THRB: variants seen among roughly 807,000 people sequenced by gnomAD.
The protein encoded by THRB is nuclear receptor subfamily 1 group A member 2.
In THRB, 12 loss-of-function variants were observed where a neutral mutation model predicts 47.8. That is an observed-to-expected ratio of 0.25 (90% CI 0.16 to 0.41). The LOEUF is 0.41. Among genes scored for constraint, THRB ranks in the 10% least tolerant of loss-of-function variants. The pLI, the probability that THRB is intolerant of heterozygous loss-of-function variation, is 1.00. For missense variants in THRB, 348 were observed against 589.2 expected (o/e 0.59, Z 4.24); for synonymous variants, 218 against 212.2 (o/e 1.03, Z -0.24).
intron 1 of THRB, among the ~76,000 whole-genome samples, chr3:24,491,663 C>T (rs889351512): frequency 4.6e-5 from 7 of 152,162 alleles, no homozygotes; most frequent in Non-Finnish European, 7.3e-5. Context: ...CAAATTGTAC[C>T]ACCATGCACT....
At chr3:24,277,455 A>G (rs2054044426) in intron 3 of THRB, among the ~76,000 whole-genome samples, 1 of 152,136 alleles carries the variant, frequency 6.6e-6, no homozygotes, top group African/African-American at 2.4e-5. Flanking sequence ...TCCCACCCCC[A>G]GAATTTTTGA....
chr3:24,388,170 C>A (rs574447448), intron 1 of THRB, among the ~76,000 whole-genome samples: 6 of 152,120 alleles, frequency 3.9e-5, no homozygotes, highest in Non-Finnish European at 5.9e-5. Context: ...AAGCAACCCA[C>A]GTCCAGTGAT....
At chr3:24,366,428 C>A (rs2064464358) in intron 1 of THRB, among the ~76,000 whole-genome samples, 1 of 152,084 alleles carries the variant, frequency 6.6e-6, no homozygotes, top group Non-Finnish European at 1.5e-5. Context: ...AGTGAGGGAC[C>A]AAGGCCTAAC....
chr3:24,286,272 T>C (rs553434646), intron 3 of THRB, among the ~76,000 whole-genome samples: 1 of 152,318 alleles, frequency 6.6e-6, no homozygotes, highest in Middle Eastern at 3.4e-3. Context: ...GAAGCCTGTA[T>C]TGGCAAAACA....
Position 24,190,291 on chromosome 3 carries a change from G to A in THRB, c.66C>T (p.Asp22=), listed in dbSNP as rs1276524080. The A allele has an allele frequency of 2.5e-6, 4 of 1,614,084 alleles. No individual in the cohort carries two copies. The highest frequency in any genetic ancestry group is 1.7e-5 in the Admixed American group (1 of 60,006). Reference sequence around the variant, plus strand: ...CTACTAGCTTCCAGTCGTGTTCTCGGTCTGGACAGTGCTTCGGTTTGTCCC... The same window carrying A: ...CTACTAGCTTCCAGTCGTGTTCTCGATCTGGACAGTGCTTCGGTTTGTCCC... ...TAWDKPKHCP[D]REHDWKLVGM... The change falls in exon 5 of 11, where the codon GAC becomes GAT. Residue 22 remains aspartate, a synonymous_variant. Transcript: ENST00000646209.
At chr3:24,386,934 TATTAGGC>T (rs757724421) in intron 1 of THRB, among the ~76,000 whole-genome samples, 3 of 152,124 alleles carry the variant, frequency 2.0e-5, no homozygotes, top group Non-Finnish European at 4.4e-5. Context: ...CCTTTGTACT[TATTAGGC>T]ATTCATATTA....
At chr3:24,172,031 C>T (rs2040505520) in intron 5 of THRB, among the ~76,000 whole-genome samples, 1 of 152,126 alleles carries the variant, frequency 6.6e-6, no homozygotes, top group Non-Finnish European at 1.5e-5. Context: ...CATTAATGCT[C>T]CTCTCTTGGA....
intron 3 of THRB, among the ~76,000 whole-genome samples, chr3:24,231,306 T>C (rs2048238688): frequency 6.6e-6 from 1 of 151,556 alleles, no homozygotes; most frequent in African/African-American, 2.4e-5. Flanking sequence ...GTTAAAAATA[T>C]CTTCATTTTC....
At chr3:24,287,695 C>T (rs1044353663) in intron 3 of THRB, among the ~76,000 whole-genome samples, 3 of 151,692 alleles carry the variant, frequency 2.0e-5, no homozygotes, top group Non-Finnish European at 4.4e-5. Context: ...CTTTTGATGG[C>T]CTTTAAAATG....
At chr3:24,196,044 T>G (rs936487229) in intron 4 of THRB, among the ~76,000 whole-genome samples, 1 of 152,212 alleles carries the variant, frequency 6.6e-6, no homozygotes, top group Non-Finnish European at 1.5e-5. Flanking sequence ...GCCTTATGAA[T>G]AACAGGTGCT....
chr3:24,377,854 T>C (rs1335575111), intron 1 of THRB, among the ~76,000 whole-genome samples: 5 of 152,052 alleles, frequency 3.3e-5, no homozygotes, highest in African/African-American at 1.2e-4. Context: ...GTCTATGAAA[T>C]AAGGGACTTT....
intron 1 of THRB, among the ~76,000 whole-genome samples, chr3:24,428,971 C>A (rs2070081875): frequency 1.3e-5 from 2 of 149,882 alleles, no homozygotes; most frequent in African/African-American, 4.9e-5. Context: ...TGGGAAAAAA[C>A]AAACAAGCAA....
At chr3:24,143,840 C>A (rs917338783) in intron 7 of THRB, 134 bp from the exon 8 acceptor site, 26 of 845,412 alleles carry the variant, frequency 3.1e-5, no homozygotes, top group African/African-American at 5.0e-5. Flanking sequence ...GTGGGTCACA[C>A]TGGGACAGTT....
At chr3:24,414,591 G>T (rs2068590195) in intron 1 of THRB, among the ~76,000 whole-genome samples, 1 of 151,788 alleles carries the variant, frequency 6.6e-6, no homozygotes, top group Admixed American at 6.6e-5. Flanking sequence ...TGCCGCTTCA[G>T]GATATGCTTC....
chr3:24,292,089 G>A lies in THRB; in HGVS notation c.-43+5137C>T, dbSNP rs866751552. Reference sequence around the variant, plus strand: ...AAGTGAAAGTTATATAGAGAGGTATGAAAAGGTGCCAAATTTTATTATTTA... The same window carrying A: ...AAGTGAAAGTTATATAGAGAGGTATAAAAAGGTGCCAAATTTTATTATTTA... On this transcript the variant is annotated intron_variant, in intron 3 of 10. Coordinates refer to ENST00000646209, the MANE Select transcript of THRB (RefSeq NM_001354712.2). Among the ~76,000 whole-genome samples, 7 of 152,204 alleles carry A rather than the reference G, an allele frequency of 4.6e-5. No individual in the cohort carries two copies. The South Asian group carries it at 8.3e-4, about 18-fold the overall frequency.
At chr3:24,320,495 C>A (rs1428588405) in intron 2 of THRB, among the ~76,000 whole-genome samples, 1 of 152,112 alleles carries the variant, frequency 6.6e-6, no homozygotes, top group East Asian at 1.9e-4. Context: ...CCCAGCCCTC[C>A]CATCACTGTG....
At chr3:24,191,421 GATC>G (rs2043327146) in intron 4 of THRB, among the ~76,000 whole-genome samples, 1 of 152,010 alleles carries the variant, frequency 6.6e-6, no homozygotes, top group Non-Finnish European at 1.5e-5. Flanking sequence ...TTTTTAAAGT[GATC>G]ATAATTCACA....
intron 8 of THRB, among the ~76,000 whole-genome samples, chr3:24,139,067 C>T (rs940669026): frequency 2.6e-5 from 4 of 152,196 alleles, no homozygotes; most frequent in Non-Finnish European, 5.9e-5. Flanking sequence ...GCATCAGATG[C>T]TGCTTGTTCT....
intron 1 of THRB, among the ~76,000 whole-genome samples, chr3:24,368,516 A>C (rs2064656921): frequency 6.6e-6 from 1 of 152,234 alleles, no homozygotes; most frequent in Admixed American, 6.5e-5. Flanking sequence ...ACTTCATAGA[A>C]AGAGGAGATG....
Sources: gnomAD v4.1 joint callset for allele counts (sites outside exome capture counted in the v4.1 genomes callset) on GRCh38, gnomAD v4.1.1 for gene constraint, MANE v1.5 for transcripts, NCBI Gene and HGNC (gene_info 2026-07-23, HGNC 2026-07-21) for gene names.